PLCB1: variants seen among roughly 807,000 people sequenced by gnomAD.
PLCB1 encodes phospholipase C beta 1.
Under a neutral mutation model 161.8 loss-of-function variants are expected in PLCB1, and 46 were observed. The observed-to-expected ratio is 0.28, with a 90% CI of 0.22 to 0.36. The LOEUF (loss-of-function observed/expected upper bound fraction) is 0.36, where lower values mean the gene tolerates loss of function less well. Ranked by LOEUF, PLCB1 falls within the 10% of genes least tolerant of loss-of-function variation. The pLI is 1.00. For missense variants in PLCB1, 1,016 were observed against 1,472.5 expected (o/e 0.69, Z 5.07); for synonymous variants, 517 against 503.7 (o/e 1.03, Z -0.35).
At chr20:8,269,192 G>C (rs779568961) in intron 2 of PLCB1, among the ~76,000 whole-genome samples, 3 of 151,966 alleles carry the variant, frequency 2.0e-5, no homozygotes, top group Non-Finnish European at 4.4e-5. Context: ...CCATCAACCC[G>C]TCATCTATAT....
chr20:8,145,365 C>G (rs181188102), intron 1 of PLCB1, among the ~76,000 whole-genome samples: 115 of 152,174 alleles, frequency 7.6e-4, no homozygotes, highest in Non-Finnish European at 9.9e-4. Flanking sequence ...CTGTAAAGAC[C>G]CTATCTCTAA....
At chr20:8,563,872 C>T (rs1986234865) in intron 3 of PLCB1, among the ~76,000 whole-genome samples, 1 of 152,138 alleles carries the variant, frequency 6.6e-6, no homozygotes, top group Admixed American at 6.6e-5. Context: ...AAAAACATCC[C>T]ATGCTCATGG....
At chr20:8,440,484 A>C (rs955047388) in intron 3 of PLCB1, among the ~76,000 whole-genome samples, 9 of 152,208 alleles carry the variant, frequency 5.9e-5, no homozygotes, top group African/African-American at 2.2e-4. Context: ...TTTCTCCAGG[A>C]ATTGATTGTT....
chr20:8,581,221 C>A (rs570110196), intron 3 of PLCB1, among the ~76,000 whole-genome samples: 2 of 152,160 alleles, frequency 1.3e-5, no homozygotes, highest in African/African-American at 2.4e-5. Context: ...GCACCTAGGG[C>A]CTGGCACCTA....
chr20:8,337,413 C>G (rs1985622983), intron 2 of PLCB1, among the ~76,000 whole-genome samples: 1 of 152,156 alleles, frequency 6.6e-6, no homozygotes. Context: ...CACCTTATAT[C>G]AAAATGTGAG....
intron 2 of PLCB1, among the ~76,000 whole-genome samples, chr20:8,363,992 A>G (rs1190032955): frequency 6.6e-6 from 1 of 152,222 alleles, no homozygotes; most frequent in Non-Finnish European, 1.5e-5. Flanking sequence ...TGCTGTTATT[A>G]TTAAGGATAT....
chr20:8,159,528 C>T (rs950664842), intron 2 of PLCB1, among the ~76,000 whole-genome samples: 2 of 152,188 alleles, frequency 1.3e-5, no homozygotes, highest in Admixed American at 1.3e-4. Context: ...GTTACTTATG[C>T]AAATTTCTGC....
At chr20:8,689,402 G>A (rs968057598) in intron 10 of PLCB1, among the ~76,000 whole-genome samples, 1 of 152,068 alleles carries the variant, frequency 6.6e-6, no homozygotes, top group African/African-American at 2.4e-5. Context: ...TGGTGAGAGT[G>A]GGCATCCTTG....
At chr20:8,590,608 G>T (rs1027293506) in intron 3 of PLCB1, among the ~76,000 whole-genome samples, 1 of 152,136 alleles carries the variant, frequency 6.6e-6, no homozygotes, top group African/African-American at 2.4e-5. Context: ...GCCAGCAGGT[G>T]CATTTCTTCC....
At chr20:8,439,255 TGCC>T (rs1980444670) in intron 3 of PLCB1, among the ~76,000 whole-genome samples, 1 of 152,152 alleles carries the variant, frequency 6.6e-6, no homozygotes, top group South Asian at 2.1e-4. Context: ...GTCGTAAAGG[TGCC>T]AAGCCTCCAG....
chr20:8,242,673 A>G (rs1047796117), intron 2 of PLCB1, among the ~76,000 whole-genome samples: 1 of 152,062 alleles, frequency 6.6e-6, no homozygotes, highest in East Asian at 2.0e-4. Context: ...AGGAATGGCA[A>G]TTGCTGAGGA....
chr20:8,438,717 G>A (rs1980418160), intron 3 of PLCB1, among the ~76,000 whole-genome samples: 1 of 152,130 alleles, frequency 6.6e-6, no homozygotes. Context: ...CCTCTTTATG[G>A]CTTATGGACA....
At chr20:8,874,998 GAATTA>G (rs139844872) in intron 31 of PLCB1, among the ~76,000 whole-genome samples, 8,223 of 151,610 alleles carry the variant, frequency 0.054, 409 homozygotes, top group African/African-American at 0.13. Flanking sequence ...TAAATTTAAT[GAATTA>G]AATTAAATTA....
intron 3 of PLCB1, among the ~76,000 whole-genome samples, chr20:8,455,510 G>A (rs1193973204): frequency 7.7e-6 from 1 of 129,916 alleles, no homozygotes; most frequent in Non-Finnish European, 1.5e-5. Context: ...TTGCAATCTC[G>A]GCTCACTGCA....
At chr20:8,231,452 C>A (rs927871048) in intron 2 of PLCB1, among the ~76,000 whole-genome samples, 2 of 152,112 alleles carry the variant, frequency 1.3e-5, no homozygotes, top group African/African-American at 4.8e-5. Flanking sequence ...CTACCTTAGA[C>A]CTATCTGTTT....
chr20:8,398,884 G>A (rs1030471646), intron 3 of PLCB1, among the ~76,000 whole-genome samples: 3 of 151,200 alleles, frequency 2.0e-5, no homozygotes, highest in Non-Finnish European at 2.9e-5. Flanking sequence ...ATGTTCTCCC[G>A]GTTTATTTTT....
At chr20:8,663,636 TG>T (rs1989740718) in intron 9 of PLCB1, among the ~76,000 whole-genome samples, 1 of 152,262 alleles carries the variant, frequency 6.6e-6, no homozygotes, top group African/African-American at 2.4e-5. Context: ...TAAGGCCAAA[TG>T]GGTCATGTAT....
At chr20:8,445,120 C>T (rs1980761121) in intron 3 of PLCB1, among the ~76,000 whole-genome samples, 1 of 152,082 alleles carries the variant, frequency 6.6e-6, no homozygotes, top group African/African-American at 2.4e-5. Context: ...AAGTCCTTGC[C>T]CATGCCTATG....
chr20:8,800,878 C>G (rs1174116744), intron 31 of PLCB1, among the ~76,000 whole-genome samples: 1 of 152,150 alleles, frequency 6.6e-6, no homozygotes, highest in African/African-American at 2.4e-5. Flanking sequence ...TGAGTACCAA[C>G]TGCAGTGCAA....
Sources: gnomAD v4.1 joint callset for allele counts (sites outside exome capture counted in the v4.1 genomes callset) on GRCh38, gnomAD v4.1.1 for gene constraint, MANE v1.5 for transcripts, NCBI Gene and HGNC (gene_info 2026-07-23, HGNC 2026-07-21) for gene names.